Variants in BMPR1B observed in about 807,000 individuals in gnomAD.
BMPR1B encodes the protein bone morphogenetic protein receptor type 1B.
Under a neutral mutation model 59.1 loss-of-function variants are expected in BMPR1B, and 12 were observed. That is an observed-to-expected ratio of 0.20 (90% CI 0.13 to 0.33). BMPR1B has a LOEUF of 0.33. BMPR1B is among the 10% of genes least tolerant of loss of function. The probability of loss-of-function intolerance (pLI) is 1.00; values close to 1 mark genes in which losing one functional copy is unlikely to be tolerated. For synonymous variants in BMPR1B, 237 were observed against 207.3 expected (o/e 1.14, Z -1.23); for missense variants, 550 against 610.9 (o/e 0.90, Z 1.05).
intron 3 of BMPR1B, among the ~76,000 whole-genome samples, chr4:95,015,173 C>T (rs1723499841): frequency 6.6e-6 from 1 of 152,034 alleles, no homozygotes; most frequent in African/African-American, 2.4e-5. Context: ...ACAGGGTGTG[C>T]TGTATGCTGT....
intron 1 of BMPR1B, among the ~76,000 whole-genome samples, chr4:94,816,017 A>G (rs1384454757): frequency 2.6e-5 from 4 of 152,062 alleles, no homozygotes; most frequent in African/African-American, 9.7e-5. Context: ...TTTATCTGTT[A>G]TCTTGGCTTT....
intron 1 of BMPR1B, among the ~76,000 whole-genome samples, chr4:94,851,929 T>C (rs1003571850): frequency 6.6e-6 from 1 of 152,180 alleles, no homozygotes; most frequent in Admixed American, 6.6e-5. Context: ...GTACACTCAG[T>C]GCCTGGCATA....
Position 95,104,408 on chromosome 4 carries a change from C to T in BMPR1B, c.-17C>T. 1.9e-6 allele frequency: 3 copies of T among 1,612,830 alleles called. No homozygotes were observed. Among genetic ancestry groups the T allele is most frequent in the Non-Finnish European group, 2.5e-6 (3 of 1,179,322 alleles). ...TAACTCTCACTATTTCTTCTTTCAG[C>T]AAACTTCCTTGATAACATGCTTTTG... On this transcript the variant is annotated splice_region_variant and 5_prime_UTR_variant, in exon 4 of 13. Coordinates refer to ENST00000515059, the MANE Select transcript of BMPR1B (RefSeq NM_001203.3).
chr4:95,102,810 T>C (rs1730919692), intron 3 of BMPR1B, among the ~76,000 whole-genome samples: 1 of 152,108 alleles, frequency 6.6e-6, no homozygotes, highest in Non-Finnish European at 1.5e-5. Context: ...AGTAATTGTG[T>C]GGTTGGATTA....
At chr4:94,819,339 C>CA (rs992745768) in intron 1 of BMPR1B, among the ~76,000 whole-genome samples, 3 of 152,166 alleles carry the variant, frequency 2.0e-5, no homozygotes, top group Non-Finnish European at 4.4e-5. Flanking sequence ...CCGATTCTCT[C>CA]AGAGTGCTGT....
At chr4:95,050,618 T>G (rs1726431318) in intron 3 of BMPR1B, among the ~76,000 whole-genome samples, 1 of 152,182 alleles carries the variant, frequency 6.6e-6, no homozygotes, top group African/African-American at 2.4e-5. Flanking sequence ...AGAGATTCTT[T>G]TTCCAAGAAA....
intron 3 of BMPR1B, among the ~76,000 whole-genome samples, chr4:95,073,868 A>G (rs1728508034): frequency 6.6e-6 from 1 of 152,202 alleles, no homozygotes; most frequent in South Asian, 2.1e-4. Flanking sequence ...TTAAGGGCTC[A>G]TTAGAATTCA....
Position 95,149,484 on chromosome 4 carries a change from A to G in BMPR1B, c.1252+561A>G, listed in dbSNP as rs1037839637. Among the ~76,000 whole-genome samples, 3 of 152,346 alleles carry G rather than the reference A, an allele frequency of 2.0e-5. No individual in the cohort carries two copies. The South Asian group carries it at 6.2e-4, about 32-fold the overall frequency. ...TTTTTTTATATTGTTTTTTCTACAC[A>G]TATGAGGATTCCCTAGTAAAAACAA... is the stretch of plus-strand genomic sequence containing the variant. On this transcript the variant is annotated intron_variant, in intron 11 of 12. Coordinates refer to ENST00000515059, the MANE Select transcript of BMPR1B (RefSeq NM_001203.3).
chr4:95,142,615 C>A (rs903897591), intron 10 of BMPR1B, among the ~76,000 whole-genome samples: 1 of 152,094 alleles, frequency 6.6e-6, no homozygotes, highest in Non-Finnish European at 1.5e-5. Context: ...TAGGCATCAA[C>A]AGCATCCAGC....
intron 2 of BMPR1B, among the ~76,000 whole-genome samples, chr4:94,981,955 G>A (rs1034235318): frequency 6.6e-6 from 1 of 152,108 alleles, no homozygotes; most frequent in East Asian, 1.9e-4. Flanking sequence ...AGAACACAGA[G>A]AACACACACT....
chr4:94,927,221 CAATTA>C (rs1728924787), intron 2 of BMPR1B, among the ~76,000 whole-genome samples: 1 of 152,088 alleles, frequency 6.6e-6, no homozygotes, highest in Admixed American at 6.6e-5. Flanking sequence ...TTAACATTTT[CAATTA>C]AATTCAGCAA....
chr4:95,109,380 A>G (rs1207870425), intron 4 of BMPR1B, among the ~76,000 whole-genome samples: 1 of 152,072 alleles, frequency 6.6e-6, no homozygotes, highest in African/African-American at 2.4e-5. Flanking sequence ...GAAGAAGGAA[A>G]AGCTTAGGGG....
At chr4:94,936,295 G>A (rs985805216) in intron 2 of BMPR1B, among the ~76,000 whole-genome samples, 3 of 152,186 alleles carry the variant, frequency 2.0e-5, no homozygotes, top group Non-Finnish European at 4.4e-5. Context: ...AACCAAAGGT[G>A]TAAGACCAGT....
At chr4:95,130,084 G>C (rs1267137680) in intron 9 of BMPR1B, 30 bp downstream of exon 9, 1 of 1,605,130 alleles carries the variant, frequency 6.2e-7, no homozygotes, top group Admixed American at 1.7e-5. Flanking sequence ...GCTATGTTCA[G>C]GGTTTCCTAG....
At chr4:94,809,070 A>C (rs1251843763) in intron 1 of BMPR1B, among the ~76,000 whole-genome samples, 4 of 151,982 alleles carry the variant, frequency 2.6e-5, no homozygotes, top group African/African-American at 4.8e-5. Context: ...AAAGATAATA[A>C]TAATTGTACA....
intron 2 of BMPR1B, among the ~76,000 whole-genome samples, chr4:94,919,580 G>A (rs1276900698): frequency 6.6e-6 from 1 of 151,900 alleles, no homozygotes; most frequent in Non-Finnish European, 1.5e-5. Context: ...AAGCCAGACT[G>A]TAGAGTTTGA....
chr4:95,018,740 A>G (rs990812017), intron 3 of BMPR1B, among the ~76,000 whole-genome samples: 1 of 152,200 alleles, frequency 6.6e-6, no homozygotes, highest in African/African-American at 2.4e-5. Flanking sequence ...CTGACAAACA[A>G]ACCAGCCTAG....
chr4:95,145,844 A>C (rs924674767), intron 10 of BMPR1B, among the ~76,000 whole-genome samples: 3 of 152,204 alleles, frequency 2.0e-5, no homozygotes, highest in Non-Finnish European at 4.4e-5. Flanking sequence ...TCTTTCACAA[A>C]ATTAGTTTGC....
intron 3 of BMPR1B, among the ~76,000 whole-genome samples, chr4:95,101,589 C>G (rs892433133): frequency 6.6e-6 from 1 of 152,116 alleles, no homozygotes; most frequent in South Asian, 2.1e-4. Flanking sequence ...CTTAGCTTTC[C>G]CCCCACATTT....
Sources: allele counts gnomAD v4.1 joint callset (sites outside exome capture counted in the v4.1 genomes callset), GRCh38; gene constraint gnomAD v4.1.1; transcripts MANE v1.5; gene names NCBI Gene and HGNC (gene_info 2026-07-23, HGNC 2026-07-21).